The following RAPGEF2 variants were observed in gnomAD, a reference collection of about 807,000 sequenced individuals.
RAPGEF2 encodes the protein PDZ domain containing guanine nucleotide exchange factor (GEF) 1.
A neutral mutation model predicts 186.7 loss-of-function variants in RAPGEF2; 54 were observed. That is an observed-to-expected ratio of 0.29 (90% CI 0.23 to 0.36). RAPGEF2 has a LOEUF of 0.36. Ranked by LOEUF, RAPGEF2 falls within the 10% of genes least tolerant of loss-of-function variation. The pLI is 1.00. For missense variants in RAPGEF2, 1,532 were observed against 2,045.0 expected (o/e 0.75, Z 4.84); for synonymous variants, 712 against 705.9 (o/e 1.01, Z -0.14).
chr4:159,180,742 G>GATT (rs1445163138), intron 1 of RAPGEF2, among the ~76,000 whole-genome samples: 1 of 152,152 alleles, frequency 6.6e-6, no homozygotes, highest in East Asian at 1.9e-4. Flanking sequence ...TAAAAATCAT[G>GATT]ATTATATGGA....
At chr4:159,286,013 A>G (rs1288228227) in intron 7 of RAPGEF2, among the ~76,000 whole-genome samples, 1 of 150,822 alleles carries the variant, frequency 6.6e-6, no homozygotes, top group African/African-American at 2.4e-5. Flanking sequence ...AACTCTTAAC[A>G]CTTAACTGTT....
At chr4:159,356,469 C>T (rs1006245090) in intron 29 of RAPGEF2, among the ~76,000 whole-genome samples, 14 of 150,254 alleles carry the variant, frequency 9.3e-5, no homozygotes, top group African/African-American at 3.2e-4. Flanking sequence ...TTCTGTGTGT[C>T]TGTGTATGTG....
chr4:159,136,181 G>A (rs1741703042), intron 1 of RAPGEF2, among the ~76,000 whole-genome samples: 1 of 152,194 alleles, frequency 6.6e-6, no homozygotes, highest in Non-Finnish European at 1.5e-5. Flanking sequence ...TCCTTGAGTT[G>A]TGAGAGTTTC....
At chr4:159,178,410 A>G (rs528957637) in intron 1 of RAPGEF2, among the ~76,000 whole-genome samples, 71 of 152,282 alleles carry the variant, frequency 4.7e-4, no homozygotes, top group Middle Eastern at 3.4e-3. Flanking sequence ...AAACAAATGA[A>G]ACTAAAAGCT....
At chr4:159,196,832 G>A (rs530621767) in intron 3 of RAPGEF2, among the ~76,000 whole-genome samples, 1 of 152,214 alleles carries the variant, frequency 6.6e-6, no homozygotes, top group Non-Finnish European at 1.5e-5. Context: ...TAACATGAAC[G>A]ACCAAGATGA....
chr4:159,253,826 G>A (rs944243545), intron 7 of RAPGEF2, among the ~76,000 whole-genome samples: 7 of 152,150 alleles, frequency 4.6e-5, no homozygotes, highest in African/African-American at 1.7e-4. Context: ...AAATGAGCTG[G>A]GTGTGGTGGT....
At chr4:159,354,757 A>T (rs539444323) in intron 28 of RAPGEF2, among the ~76,000 whole-genome samples, 1 of 152,322 alleles carries the variant, frequency 6.6e-6, no homozygotes, top group East Asian at 1.9e-4. Context: ...AAGTATTTAG[A>T]ACAGTGCCCA....
chr4:159,136,130 T>C (rs931701016), intron 1 of RAPGEF2, among the ~76,000 whole-genome samples: 14 of 152,352 alleles, frequency 9.2e-5, no homozygotes, highest in African/African-American at 2.6e-4. Flanking sequence ...AGTCCAGGTG[T>C]ACGATATTGC....
chr4:159,228,013 A>C (rs1006961698), intron 4 of RAPGEF2, among the ~76,000 whole-genome samples: 1 of 152,164 alleles, frequency 6.6e-6, no homozygotes, highest in African/African-American at 2.4e-5. Context: ...AGATTTCCCT[A>C]CTTGCCCTCG....
At chr4:159,261,872 C>T (rs1386586974) in intron 7 of RAPGEF2, among the ~76,000 whole-genome samples, 1 of 152,142 alleles carries the variant, frequency 6.6e-6, no homozygotes, top group Non-Finnish European at 1.5e-5. Context: ...CCTGATTCTC[C>T]CCATCCTGTT....
intron 1 of RAPGEF2, among the ~76,000 whole-genome samples, chr4:159,108,722 G>A (rs190614805): frequency 1.3e-5 from 2 of 152,170 alleles, no homozygotes; most frequent in East Asian, 1.9e-4. Flanking sequence ...ATGGTATGGC[G>A]ATAGACAATG....
chr4:159,108,186 A>C lies in RAPGEF2; in HGVS notation c.69+3955A>C, dbSNP rs1738086910. 2.0e-5 allele frequency among the ~76,000 whole-genome samples: 3 copies of C among 152,200 alleles called. No individual in the cohort carries two copies. In the South Asian group the frequency reaches 6.2e-4, roughly 31 times the overall value. On this transcript the variant is annotated intron_variant, in intron 1 of 29. Transcript: ENST00000691494. ...TTAAATTTATGATAAAAATATTAACATTCCTTGCAATATTGATAGAACCTT... is the reference window on the plus strand; with the variant it reads ...TTAAATTTATGATAAAAATATTAACCTTCCTTGCAATATTGATAGAACCTT...
At chr4:159,241,003 TC>T in intron 5 of RAPGEF2, 197 bp from the exon 6 acceptor site, 1 of 462,528 alleles carries the variant, frequency 2.2e-6, no homozygotes, top group Non-Finnish European at 3.8e-6. Context: ...TGAAAATGCC[TC>T]CTCATAAAAG....
chr4:159,341,145 GATAAGAAA>G (rs145563090), intron 19 of RAPGEF2, among the ~76,000 whole-genome samples: 3,271 of 152,232 alleles, frequency 0.021, 110 homozygotes, highest in African/African-American at 0.073. Context: ...ACAGATTATT[GATAAGAAA>G]ATAAGAAAAT....
At chr4:159,331,379 T>C (rs534059381) in intron 13 of RAPGEF2, 52 bp from the exon 14 acceptor site, 1 of 1,081,324 alleles carries the variant, frequency 9.2e-7, no homozygotes, top group South Asian at 1.5e-5. Flanking sequence ...ATGATTTTAA[T>C]CACATTTTTG....
chr4:159,316,482 C>T (rs911523268), intron 9 of RAPGEF2, among the ~76,000 whole-genome samples: 37 of 152,018 alleles, frequency 2.4e-4, no homozygotes, highest in Admixed American at 2.2e-3. Flanking sequence ...TCTAACCTTC[C>T]GAAAGGCCCC....
chr4:159,238,919 A>G, intron 5 of RAPGEF2, 35 bp downstream of exon 5: 5 of 1,375,462 alleles, frequency 3.6e-6, no homozygotes, highest in South Asian at 3.4e-5. Flanking sequence ...TTTTTCCCCT[A>G]AAAAATTGTA....
chr4:159,135,475 T>C (rs946880269), intron 1 of RAPGEF2, among the ~76,000 whole-genome samples: 3 of 152,234 alleles, frequency 2.0e-5, no homozygotes, highest in Non-Finnish European at 2.9e-5. Context: ...GATGCTGTTA[T>C]AAACATTCAT....
At chr4:159,247,108 G>T (rs1223437171) in intron 7 of RAPGEF2, among the ~76,000 whole-genome samples, 1 of 152,138 alleles carries the variant, frequency 6.6e-6, no homozygotes, top group Non-Finnish European at 1.5e-5. Context: ...TACTATCAGT[G>T]TCTCTCTGTG....
Sources: allele counts gnomAD v4.1 joint callset (sites outside exome capture counted in the v4.1 genomes callset), GRCh38; gene constraint gnomAD v4.1.1; transcripts MANE v1.5; gene names NCBI Gene and HGNC (gene_info 2026-07-23, HGNC 2026-07-21).